The following MAP1B variants were observed in gnomAD, a reference collection of about 807,000 sequenced individuals.
MAP1B encodes the protein microtubule-associated protein 1B.
In MAP1B, 12 loss-of-function variants were observed where a neutral mutation model predicts 176.1. That is an observed-to-expected ratio of 0.07 (90% confidence interval 0.04 to 0.11). MAP1B has a LOEUF of 0.11. Among genes scored for constraint, MAP1B ranks in the 10% least tolerant of loss-of-function variants. The pLI is 1.00. For missense variants in MAP1B, 2,523 were observed against 2,990.5 expected, an observed-to-expected ratio of 0.84 and a Z score of 3.65; for synonymous variants, 1,044 against 1,135.0, an observed-to-expected ratio of 0.92 and a Z score of 1.61.
chr5:72,166,969 T>G (rs564619404), intron 2 of MAP1B, among the ~76,000 whole-genome samples: 1 of 151,720 alleles, frequency 6.6e-6, no homozygotes. Context: ...TTTGTGAGTA[T>G]AGCTTTTGGT....
chr5:72,108,896 C>T (rs1745231629), intron 1 of MAP1B, among the ~76,000 whole-genome samples: 1 of 152,196 alleles, frequency 6.6e-6, no homozygotes, highest in African/African-American at 2.4e-5. Context: ...TCGCCGGGTC[C>T]CTCCGCAGCC....
intron 2 of MAP1B, among the ~76,000 whole-genome samples, chr5:72,162,785 G>A (rs545718380): frequency 2.0e-5 from 3 of 152,122 alleles, no homozygotes; most frequent in Non-Finnish European, 4.4e-5. Context: ...TTTTATGAAT[G>A]CATGCGGGCA....
chr5:72,134,850 C>T (rs949844518), intron 2 of MAP1B, among the ~76,000 whole-genome samples: 2 of 149,922 alleles, frequency 1.3e-5, no homozygotes, highest in African/African-American at 4.9e-5. Flanking sequence ...GCGGCTGGTC[C>T]CATCAGACCT....
chr5:72,123,315 GT>G (rs924968509), intron 2 of MAP1B, among the ~76,000 whole-genome samples: 2 of 151,824 alleles, frequency 1.3e-5, no homozygotes, highest in Non-Finnish European at 2.9e-5. Context: ...ATCTCTTTTT[GT>G]TTTTGAGACA....
intron 2 of MAP1B, among the ~76,000 whole-genome samples, chr5:72,153,759 A>G (rs1294196878): frequency 6.6e-6 from 1 of 152,188 alleles, no homozygotes; most frequent in Non-Finnish European, 1.5e-5. Context: ...CCCTTTGTTT[A>G]GAGAACATTG....
chr5:72,160,479 T>A (rs1242219650), intron 2 of MAP1B, among the ~76,000 whole-genome samples: 4 of 152,190 alleles, frequency 2.6e-5, no homozygotes, highest in Non-Finnish European at 4.4e-5. Flanking sequence ...AAATGAGCCT[T>A]ATTTTTTGCA....
At position 72,122,238 on chromosome 5, in the gene MAP1B, G is replaced by A. The variant is rs116450868; in HGVS notation, c.286+6439G>A. Among the ~76,000 whole-genome samples the A allele has an allele frequency of 8.3e-3, 1,263 of 152,126 alleles. 15 individuals are homozygous for A. The highest frequency in any genetic ancestry group is 0.029 in the African/African-American group (1,189 of 41,494). On this transcript the variant is annotated intron_variant, in intron 2 of 6. Coordinates refer to ENST00000296755, the MANE Select transcript of MAP1B (RefSeq NM_005909.5). ...CCCGTGCCCTGAGCCCTCCTGGCCC[G>A]GTTGCAGGGAACAGAGTGATCGGCA...
rs191357589 is a variant in MAP1B, at chr5:72,181,460, G to A, written c.287-2283G>A. On this transcript the variant is annotated intron_variant, in intron 2 of 6. Coordinates refer to ENST00000296755, the MANE Select transcript of MAP1B (RefSeq NM_005909.5). The stretch of plus-strand genomic sequence containing the variant: ...TTGGTATATTATTAATTTTTAAGTC[G>A]CGATAAAATATAACATTTGCCGTTT... Among the ~76,000 whole-genome samples the A allele has an allele frequency of 2.1e-3, 312 of 152,080 alleles. 3 individuals carry two copies. Among genetic ancestry groups the A allele is most frequent in the Non-Finnish European group, 3.3e-3 (226 of 68,006 alleles).
chr5:72,180,115 A>G (rs1746735177), intron 2 of MAP1B, among the ~76,000 whole-genome samples: 1 of 152,186 alleles, frequency 6.6e-6, no homozygotes, highest in Non-Finnish European at 1.5e-5. Context: ...TGAAGGGTGC[A>G]GCTAGCGGGC....
At chr5:72,189,139 TATA>T (rs1461535543) in intron 4 of MAP1B, among the ~76,000 whole-genome samples, 6 of 152,140 alleles carry the variant, frequency 3.9e-5, no homozygotes, top group Non-Finnish European at 8.8e-5. Context: ...TTTTAAAAAA[TATA>T]AGAACAGCTA....
chr5:72,195,920 GCCT>G lies in MAP1B; in HGVS notation c.2567_2569del (p.Pro856del), dbSNP rs1365629856. ...AGGTCGATGTAACAAAGGACATCAA[GCCT>G]CAGCTGGAGCTAATCGAAGACGAAG... On this transcript the variant is annotated inframe_deletion, in exon 5 of 7. Coordinates refer to ENST00000296755, the MANE Select transcript of MAP1B (RefSeq NM_005909.5). 4 of 1,614,230 alleles carry G rather than the reference GCCT, an allele frequency of 2.5e-6. No homozygotes were observed. Among genetic ancestry groups the G allele is most frequent in the Non-Finnish European group, 3.4e-6 (4 of 1,180,054 alleles).
intron 2 of MAP1B, among the ~76,000 whole-genome samples, chr5:72,177,514 A>T (rs1434071400): frequency 6.6e-6 from 1 of 152,108 alleles, no homozygotes; most frequent in African/African-American, 2.4e-5. Context: ...GTTGCCAGGG[A>T]TAGAGAAGAC....
intron 5 of MAP1B, among the ~76,000 whole-genome samples, chr5:72,202,524 A>G (rs1458253276): frequency 1.3e-5 from 2 of 152,182 alleles, no homozygotes; most frequent in Admixed American, 1.3e-4. Context: ...TCCTATGGAG[A>G]AAGAGGATTA....
At chr5:72,143,474 G>C (rs548303574) in intron 2 of MAP1B, among the ~76,000 whole-genome samples, 1 of 152,140 alleles carries the variant, frequency 6.6e-6, no homozygotes. Flanking sequence ...GGACGTATCG[G>C]TTTGCCACCA....
At chr5:72,125,490 G>T (rs978208555) in intron 2 of MAP1B, among the ~76,000 whole-genome samples, 1 of 152,094 alleles carries the variant, frequency 6.6e-6, no homozygotes, top group Non-Finnish European at 1.5e-5. Context: ...TGTTCCTGCA[G>T]CAAGGCACAG....
chr5:72,199,632 C>T lies in MAP1B; in HGVS notation c.6277C>T (p.Pro2093Ser). ...CLVSSCEYKHPKTELSPSFIN... is the reference protein window; with the variant it reads ...CLVSSCEYKHSKTELSPSFIN... ...CGTGTCCTCTTGTGAATACAAGCAC[C>T]CCAAGACAGAGCTTTCACCCTCTTT... is the stretch of plus-strand genomic sequence containing the variant. The change falls in exon 5 of 7, where the codon CCC becomes TCC. Residue 2093 changes from proline (P) to serine (S), a missense_variant. Transcript: ENST00000296755. This position sits in a 1 kb window ranked among gnomAD's most constrained non-coding sequence, Gnocchi z 4.2. 4 of 1,614,156 alleles carry T rather than the reference C, an allele frequency of 2.5e-6. No individual in the cohort carries two copies. The highest frequency in any genetic ancestry group is 3.4e-6 in the Non-Finnish European group (4 of 1,180,034).
chr5:72,187,749 A>G lies in MAP1B; in HGVS notation c.510+995A>G, dbSNP rs189582895. ...CTGTTTGTACTTTTCATCACTGGCA[A>G]GAACTGTAAGCACACTGCCCAACTT... On this transcript the variant is annotated intron_variant, in intron 4 of 6. Transcript: ENST00000296755. Among the ~76,000 whole-genome samples the G allele has an allele frequency of 3.6e-4, 55 of 152,312 alleles. 1 individual carries two copies. The highest frequency in any genetic ancestry group is 1.3e-3 in the African/African-American group (54 of 41,564).
At chr5:72,154,628 T>C (rs1015926279) in intron 2 of MAP1B, among the ~76,000 whole-genome samples, 2 of 152,140 alleles carry the variant, frequency 1.3e-5, no homozygotes, top group African/African-American at 2.4e-5. Flanking sequence ...CCCTACCAGA[T>C]GGAGAGGTGC....
intron 2 of MAP1B, among the ~76,000 whole-genome samples, chr5:72,161,072 TA>T (rs2112179519): frequency 6.6e-6 from 1 of 152,306 alleles, no homozygotes; most frequent in African/African-American, 2.4e-5. Context: ...AAGATTCTGG[TA>T]CATCCACCTT....
Sources: gnomAD v4.1 joint callset for allele counts (sites outside exome capture counted in the v4.1 genomes callset) on GRCh38, gnomAD v4.1.1 for gene constraint, Gnocchi (gnomAD v3.1) non-coding constraint, MANE v1.5 for transcripts, NCBI Gene and HGNC (gene_info 2026-07-23, HGNC 2026-07-21) for gene names.